RREB1: variants seen among roughly 807,000 people sequenced by gnomAD.
RREB1 encodes ras-responsive element-binding protein 1.
RREB1 carries 27 observed loss-of-function variants against 117.8 expected under a neutral mutation model. The ratio of observed to expected loss-of-function variants is 0.23; its 90% confidence interval spans 0.17 to 0.32. RREB1 has a LOEUF of 0.32. RREB1 is among the 10% of genes least tolerant of loss of function. RREB1 has a pLI of 1.00. For synonymous variants in RREB1, 1,298 were observed against 1,026.7 expected (o/e 1.26, Z -5.05); for missense variants, 2,577 against 2,378.2 (o/e 1.08, Z -1.74).
At position 7,129,843 on chromosome 6, in the gene RREB1, T is replaced by C. The variant is rs1762079451; in HGVS notation, c.-285+21783T>C. Among the ~76,000 whole-genome samples the C allele has an allele frequency of 3.3e-5, 5 of 152,304 alleles. No homozygotes were observed. The South Asian group carries it at 1.0e-3, about 32-fold the overall frequency. ...TTTGGTCTGGTAGGCCCCTTTTTGG[T>C]GCTTGTTTACGGAACTGATTTATCT... On this transcript the variant is annotated intron_variant, in intron 1 of 12. Coordinates refer to ENST00000379938, the MANE Select transcript of RREB1 (RefSeq NM_001003699.4).
At chr6:7,194,087 TGGGGG>T (rs1765550530) in intron 6 of RREB1, among the ~76,000 whole-genome samples, 1 of 152,200 alleles carries the variant, frequency 6.6e-6, no homozygotes, top group East Asian at 1.9e-4. Flanking sequence ...GGGATAGTTT[TGGGGG>T]CAGCCATTTT....
At chr6:7,179,376 G>A (rs983763685) in intron 2 of RREB1, among the ~76,000 whole-genome samples, 10 of 152,078 alleles carry the variant, frequency 6.6e-5, no homozygotes, top group South Asian at 2.1e-4. Flanking sequence ...CTACCGCCTC[G>A]GCCTCTGAAG....
intron 1 of RREB1, among the ~76,000 whole-genome samples, chr6:7,117,601 G>T (rs9392858): frequency 0.019 from 2,806 of 151,600 alleles, 110 homozygotes; most frequent in East Asian, 0.17. Context: ...TAGAGATGGG[G>T]TTTCACCATG....
rs567791281 is a variant in RREB1 at position 7,245,328 on chromosome 6, G to C, written c.3974-1096G>C. 1.5e-3 allele frequency among the ~76,000 whole-genome samples: 223 copies of C among 152,288 alleles called. 4 individuals are homozygous for C. The highest frequency in any genetic ancestry group is 1.8e-3 in the Non-Finnish European group (125 of 68,010). ...GAGAATTGCTTGAACCCGGGAGGTG[G>C]AGGTTGCAGTGAGTGGAGATCACAC... is the stretch of plus-strand genomic sequence containing the variant. On this transcript the variant is annotated intron_variant, in intron 11 of 12. Coordinates refer to ENST00000379938, the MANE Select transcript of RREB1 (RefSeq NM_001003699.4).
intron 6 of RREB1, among the ~76,000 whole-genome samples, chr6:7,190,757 T>C (rs1051763849): frequency 5.3e-5 from 8 of 151,568 alleles, no homozygotes; most frequent in African/African-American, 1.9e-4. Context: ...TCTGTTTAGG[T>C]CTGCTCGTTC....
chr6:7,221,040 G>A (rs1767217439), intron 8 of RREB1, among the ~76,000 whole-genome samples: 1 of 152,170 alleles, frequency 6.6e-6, no homozygotes, highest in South Asian at 2.1e-4. Context: ...GGGAAGGCTG[G>A]ATGAACCCTC....
chr6:7,226,898 C>T (rs1487862788), intron 9 of RREB1, among the ~76,000 whole-genome samples: 1 of 152,162 alleles, frequency 6.6e-6, no homozygotes, highest in Non-Finnish European at 1.5e-5. Context: ...GTGCATCAGT[C>T]TAGCTCTTCT....
At chr6:7,196,218 G>GTTTTTTTTTTTGTTTTTTTTTTTTTT (rs1765661799) in intron 6 of RREB1, among the ~76,000 whole-genome samples, 1 of 121,468 alleles carries the variant, frequency 8.2e-6, no homozygotes, top group Non-Finnish European at 1.7e-5. Flanking sequence ...TTTTTTTTTC[G>GTTTTTTTTTTTGTTTTTTTTTTTTTT]TTTTTTTTTT....
At chr6:7,220,855 G>C (rs1767207912) in intron 8 of RREB1, among the ~76,000 whole-genome samples, 1 of 152,200 alleles carries the variant, frequency 6.6e-6, no homozygotes, top group Non-Finnish European at 1.5e-5. Flanking sequence ...GGGACCACCT[G>C]GCCAGTGGCT....
intron 1 of RREB1, among the ~76,000 whole-genome samples, chr6:7,142,867 G>C (rs1581442553): frequency 6.6e-6 from 1 of 152,162 alleles, no homozygotes; most frequent in African/African-American, 2.4e-5. Context: ...CATTCTTCAT[G>C]GGGGGATAAC....
chr6:7,230,979 G>C lies in RREB1; in HGVS notation c.2880G>C (p.Glu960Asp). Residue 960 changes from glutamate to aspartate, a missense_variant, in exon 10 of 13, where the codon GAG becomes GAC. Transcript: ENST00000379938. ...CTCCCAGCGAAGCCAAGAAGCCTGA[G>C]GAGGAGGCGGGGAGCAGCGAGCAGC... is the stretch of plus-strand genomic sequence containing the variant. ...LATPSEAKKPEEEAGSSEQPS... is the reference protein window; with the variant it reads ...LATPSEAKKPDEEAGSSEQPS... 1 of 1,614,158 alleles carries C rather than the reference G, an allele frequency of 6.2e-7. No individual in the cohort carries two copies. The highest frequency in any genetic ancestry group is 8.5e-7 in the Non-Finnish European group (1 of 1,180,012).
At chr6:7,136,967 C>T (rs1211493624) in intron 1 of RREB1, among the ~76,000 whole-genome samples, 4 of 152,190 alleles carry the variant, frequency 2.6e-5, no homozygotes, top group African/African-American at 9.6e-5. Context: ...ATGAAGCCAC[C>T]GCGGCACCTG....
At chr6:7,156,697 G>A (rs924888826) in intron 1 of RREB1, among the ~76,000 whole-genome samples, 1 of 152,234 alleles carries the variant, frequency 6.6e-6, no homozygotes, top group African/African-American at 2.4e-5. Flanking sequence ...TGTGAATTGG[G>A]CATCCGTTGG....
chr6:7,226,033 A>G (rs145493083), intron 8 of RREB1, among the ~76,000 whole-genome samples: 23 of 152,350 alleles, frequency 1.5e-4, no homozygotes, highest in African/African-American at 4.6e-4. Flanking sequence ...TGCCCTAGAT[A>G]CTACTTAAAT....
intron 6 of RREB1, among the ~76,000 whole-genome samples, chr6:7,195,131 A>G (rs921972435): frequency 2.6e-5 from 4 of 152,184 alleles, no homozygotes; most frequent in African/African-American, 9.7e-5. Flanking sequence ...AAATAAATTG[A>G]GTAAATTGAG....
chr6:7,247,299 G>A (rs904631624), intron 12 of RREB1, 78 bp downstream of exon 12: 9 of 1,289,972 alleles, frequency 7.0e-6, no homozygotes, highest in Non-Finnish European at 9.5e-6. Flanking sequence ...CCCCTGAAGC[G>A]GCGCTGGAGG....
intron 10 of RREB1, among the ~76,000 whole-genome samples, chr6:7,236,887 GTTTTTTTTTTT>G (rs869133214): frequency 1.6e-5 from 1 of 63,404 alleles, no homozygotes; most frequent in Non-Finnish European, 2.7e-5. Flanking sequence ...GTTTTTGGAG[GTTTTTTTTTTT>G]TTTTTTTTTT....
chr6:7,211,139 G>T (rs1278078310), intron 7 of RREB1, among the ~76,000 whole-genome samples, 191 bp downstream of exon 7: 2 of 152,226 alleles, frequency 1.3e-5, no homozygotes, highest in African/African-American at 4.8e-5. Context: ...GAGCCCCTCT[G>T]CTGAGCCCAG....
At chr6:7,248,396 C>T (rs1032777189) in intron 12 of RREB1, 115 bp from the exon 13 acceptor site, 33 of 842,002 alleles carry the variant, frequency 3.9e-5, no homozygotes, top group African/African-American at 8.5e-5. Flanking sequence ...CTGAGTAGGA[C>T]GGAGTCCTGG....
Sources: allele counts gnomAD v4.1 joint callset (sites outside exome capture counted in the v4.1 genomes callset), GRCh38; gene constraint gnomAD v4.1.1; transcripts MANE v1.5; gene names NCBI Gene and HGNC (gene_info 2026-07-23, HGNC 2026-07-21).